Variants in SHISA9 observed in about 807,000 individuals in gnomAD.
The protein encoded by SHISA9 is shisa family member 9.
SHISA9 carries 13 observed loss-of-function variants against 38.0 expected under a neutral mutation model. The observed-to-expected ratio is 0.34, with a 90% CI of 0.22 to 0.54. The LOEUF (loss-of-function observed/expected upper bound fraction) is 0.54, where lower values mean the gene tolerates loss of function less well. SHISA9 is among the 20% of genes least tolerant of loss of function. SHISA9 has a pLI of 0.91. For missense variants in SHISA9, 538 were observed against 575.8 expected, an observed-to-expected ratio of 0.93 and a Z score of 0.67; for synonymous variants, 275 against 242.0, an observed-to-expected ratio of 1.14 and a Z score of -1.27.
the SHISA9 span, among the ~76,000 whole-genome samples, chr16:13,411,164 T>A: frequency 3.3e-5 from 5 of 152,194 alleles, no homozygotes; most frequent in African/African-American, 1.2e-4. Context: ...ATGTGGCTGG[T>A]AAGGACAACG....
chr16:13,016,130 G>C (rs1049870943), intron 2 of SHISA9, among the ~76,000 whole-genome samples: 1 of 150,656 alleles, frequency 6.6e-6, no homozygotes, highest in Non-Finnish European at 1.5e-5. Context: ...TGGAATTACA[G>C]GCCTGTGTCT....
At chr16:13,095,814 G>A (rs750028434) in intron 2 of SHISA9, among the ~76,000 whole-genome samples, 56 of 152,332 alleles carry the variant, frequency 3.7e-4, no homozygotes, top group Non-Finnish European at 6.2e-4. Flanking sequence ...CAACTCTAGC[G>A]CAATGGCTCT....
intron 2 of SHISA9, among the ~76,000 whole-genome samples, chr16:12,977,417 A>G (rs891320294): frequency 6.6e-6 from 1 of 152,206 alleles, no homozygotes; most frequent in Non-Finnish European, 1.5e-5. Flanking sequence ...GCAATTCCTC[A>G]AAGACCTAGA....
the SHISA9 span, among the ~76,000 whole-genome samples, chr16:13,452,568 A>T: frequency 6.6e-6 from 1 of 152,182 alleles, no homozygotes; most frequent in Non-Finnish European, 1.5e-5. Context: ...CAACTTACAG[A>T]TCGGATGGGT....
At chr16:13,324,685 A>G in the SHISA9 span, among the ~76,000 whole-genome samples, 1 of 152,190 alleles carries the variant, frequency 6.6e-6, no homozygotes. Flanking sequence ...CTGAGGCAGT[A>G]TCTGAATCAG....
At chr16:13,080,531 G>T (rs538860790) in intron 2 of SHISA9, among the ~76,000 whole-genome samples, 1 of 152,280 alleles carries the variant, frequency 6.6e-6, no homozygotes, top group South Asian at 2.1e-4. Flanking sequence ...AATGAGACTT[G>T]ATAATTTCTA....
intron 4 of SHISA9, among the ~76,000 whole-genome samples, chr16:13,223,290 C>T (rs1237692197): frequency 2.0e-5 from 3 of 151,896 alleles, no homozygotes; most frequent in African/African-American, 7.3e-5. Flanking sequence ...AATAGCCAGG[C>T]ATGGTGTTGC....
the SHISA9 span, among the ~76,000 whole-genome samples, chr16:13,296,920 A>G: frequency 5.4e-5 from 8 of 148,552 alleles, no homozygotes; most frequent in South Asian, 4.2e-4. Context: ...AAAAAAAAAA[A>G]AGAGAATGCT....
chr16:13,130,034 C>T (rs1195032980), intron 2 of SHISA9, among the ~76,000 whole-genome samples: 2 of 152,110 alleles, frequency 1.3e-5, no homozygotes, highest in Admixed American at 6.6e-5. Flanking sequence ...TTGAATGACC[C>T]TCACAATTTT....
the SHISA9 span, among the ~76,000 whole-genome samples, chr16:13,358,549 C>G: frequency 6.6e-6 from 1 of 152,216 alleles, no homozygotes; most frequent in Middle Eastern, 3.2e-3. Flanking sequence ...AATACAATTC[C>G]TCTATCTCTT....
intron 2 of SHISA9, among the ~76,000 whole-genome samples, chr16:13,063,130 C>T (rs977982758): frequency 6.6e-6 from 1 of 152,152 alleles, no homozygotes; most frequent in African/African-American, 2.4e-5. Context: ...CCTCAGCCTC[C>T]CGAGTAGCTG....
intron 2 of SHISA9, among the ~76,000 whole-genome samples, chr16:13,083,821 A>G (rs1294140978): frequency 6.6e-6 from 1 of 152,184 alleles, no homozygotes; most frequent in Non-Finnish European, 1.5e-5. Flanking sequence ...GCCATTAGCA[A>G]TCATCATTCA....
intron 2 of SHISA9, among the ~76,000 whole-genome samples, chr16:12,949,390 G>A (rs766306091): frequency 4.6e-5 from 7 of 152,224 alleles, no homozygotes; most frequent in Non-Finnish European, 1.0e-4. Context: ...AGTAGTCACT[G>A]GCTGTGGACT....
At chr16:13,074,318 C>T (rs2073555499) in intron 2 of SHISA9, among the ~76,000 whole-genome samples, 1 of 151,942 alleles carries the variant, frequency 6.6e-6, no homozygotes, top group African/African-American at 2.4e-5. Context: ...GTTATGGTTG[C>T]CACAGAAAAC....
At chr16:13,000,550 G>A (rs1031609886) in intron 2 of SHISA9, among the ~76,000 whole-genome samples, 2 of 152,178 alleles carry the variant, frequency 1.3e-5, no homozygotes, top group Non-Finnish European at 2.9e-5. Context: ...TCCCTGGAAT[G>A]TCTGGACAAG....
chr16:12,970,334 T>TATACATATATGTATATATATACAC (rs1555504218), intron 2 of SHISA9, among the ~76,000 whole-genome samples: 5 of 93,190 alleles, frequency 5.4e-5, no homozygotes, highest in Non-Finnish European at 8.1e-5. Context: ...TACATATATA[T>TATACATATATGTATATATATACAC]ATATATATAC....
At chr16:13,291,626 G>A in the SHISA9 span, among the ~76,000 whole-genome samples, 1 of 152,194 alleles carries the variant, frequency 6.6e-6, no homozygotes, top group African/African-American at 2.4e-5. Flanking sequence ...ATGCATGCGT[G>A]TATGTTCTAG....
intron 2 of SHISA9, among the ~76,000 whole-genome samples, chr16:12,954,299 A>G (rs952125774): frequency 6.6e-6 from 1 of 152,242 alleles, no homozygotes. Flanking sequence ...ACAACTTATG[A>G]AACAGCAAAT....
At chr16:13,016,859 T>G (rs2072763685) in intron 2 of SHISA9, among the ~76,000 whole-genome samples, 1 of 152,144 alleles carries the variant, frequency 6.6e-6, no homozygotes, top group Non-Finnish European at 1.5e-5. Context: ...AAAAATATAG[T>G]CCCCAAGGAG....
Sources: gnomAD v4.1 joint callset for allele counts (sites outside exome capture counted in the v4.1 genomes callset) on GRCh38, gnomAD v4.1.1 for gene constraint, MANE v1.5 for transcripts, NCBI Gene and HGNC (gene_info 2026-07-23, HGNC 2026-07-21) for gene names.